RYR2: variants seen among roughly 807,000 people sequenced by gnomAD.
RYR2 encodes the protein cardiac muscle ryanodine receptor-calcium release channel.
Under a neutral mutation model 601.1 loss-of-function variants are expected in RYR2, and 227 were observed. The observed-to-expected ratio is 0.38, with a 90% CI of 0.34 to 0.42. RYR2 has a LOEUF of 0.42. RYR2 is among the 10% of genes least tolerant of loss of function. RYR2 has a pLI of 1.00. For missense variants in RYR2, 4,646 were observed against 6,156.5 expected, an observed-to-expected ratio of 0.75 and a Z score of 8.21; for synonymous variants, 2,223 against 2,175.1, an observed-to-expected ratio of 1.02 and a Z score of -0.61.
chr1:237,571,090 T>A (rs954394039), intron 29 of RYR2, among the ~76,000 whole-genome samples: 1 of 152,132 alleles, frequency 6.6e-6, no homozygotes, highest in African/African-American at 2.4e-5. Flanking sequence ...ATTGTGCCAC[T>A]GTACTCCAGC....
chr1:237,317,172 G>A (rs1695196208), intron 2 of RYR2, among the ~76,000 whole-genome samples: 1 of 152,148 alleles, frequency 6.6e-6, no homozygotes, highest in African/African-American at 2.4e-5. Flanking sequence ...AAGAAACAGT[G>A]TATATATAGG....
chr1:237,677,983 T>G, intron 60 of RYR2, 65 bp from the exon 61 acceptor site: 1 of 974,170 alleles, frequency 1.0e-6, no homozygotes, highest in African/African-American at 1.6e-5. Flanking sequence ...AACCTTTGCA[T>G]TATGGATGAA....
intron 2 of RYR2, among the ~76,000 whole-genome samples, chr1:237,307,024 C>A (rs1693946947): frequency 1.3e-5 from 2 of 152,286 alleles, no homozygotes; most frequent in Admixed American, 6.5e-5. Flanking sequence ...AACTGTAATA[C>A]CTCGATGAGT....
intron 1 of RYR2, among the ~76,000 whole-genome samples, chr1:237,165,054 G>A (rs1304338919): frequency 6.6e-6 from 1 of 151,290 alleles, no homozygotes; most frequent in Non-Finnish European, 1.5e-5. Context: ...ACTCAGGGCA[G>A]CCTTGAACTC....
At chr1:237,349,695 A>G (rs573223134) in intron 3 of RYR2, among the ~76,000 whole-genome samples, 10 of 152,362 alleles carry the variant, frequency 6.6e-5, no homozygotes, top group African/African-American at 2.2e-4. Flanking sequence ...ACTTATAATG[A>G]AAGAGTTAAT....
rs532814379 is a variant in RYR2, at chr1:237,506,914, T to A, written c.2718+100T>A. The A allele has an allele frequency of 3.6e-4, 358 of 983,608 alleles. 4 individuals carry two copies. The highest frequency in any genetic ancestry group is 3.4e-3 in the South Asian group (240 of 71,030). 60.9% of individuals were successfully genotyped at this position (983,608 alleles called of 1,614,324 possible). ...CCGCTATGGGGTGACATCAATCAGT[T>A]AGTTGGATTGATTTTTTTCCCCCTA... On this transcript the variant is annotated intron_variant, in intron 23 of 104. Coordinates refer to ENST00000366574, the MANE Select transcript of RYR2 (RefSeq NM_001035.3).
intron 1 of RYR2, among the ~76,000 whole-genome samples, chr1:237,075,163 G>A (rs193143923): frequency 1.3e-5 from 2 of 152,194 alleles, no homozygotes; most frequent in Admixed American, 1.3e-4. Flanking sequence ...TCATAGTTCT[G>A]CTTATGCAGG....
intron 3 of RYR2, chr1:237,341,643 G>A: frequency 1.9e-6 from 1 of 516,948 alleles, no homozygotes; most frequent in Non-Finnish European, 3.9e-6. Flanking sequence ...TTATGTACTA[G>A]GTAGTAAGGA....
At chr1:237,156,329 C>T (rs1038185197) in intron 1 of RYR2, among the ~76,000 whole-genome samples, 2 of 152,010 alleles carry the variant, frequency 1.3e-5, no homozygotes, top group African/African-American at 2.4e-5. Context: ...TACATTTTAC[C>T]ACAACACAAA....
At position 237,566,710 on chromosome 1, in the gene RYR2, C is replaced by T. The variant is rs1331533259; in HGVS notation, c.3358C>T (p.Pro1120Ser). The change falls in exon 28 of 105, where the codon CCT (proline) becomes TCT (serine). Residue 1120 changes from proline (P) to serine (S), a missense_variant. Transcript: ENST00000366574. ...AGACATGAGGGTTGGTTGGAGTCGT[C>T]CTGGTTGTCAACCGGATCAGGAGCT... ...AGDMRVGWSR[P>S]GCQPDQELGS... 9.3e-6 allele frequency: 15 copies of T among 1,613,922 alleles called. No individual in the cohort carries two copies. In the East Asian group the frequency reaches 3.3e-4, roughly 36 times the overall value.
intron 1 of RYR2, among the ~76,000 whole-genome samples, chr1:237,113,238 G>C (rs183692865): frequency 6.6e-6 from 1 of 151,432 alleles, no homozygotes; most frequent in Non-Finnish European, 1.5e-5. Flanking sequence ...TCACTCTGTC[G>C]CCCAGACTGG....
intron 101 of RYR2, among the ~76,000 whole-genome samples, chr1:237,825,553 A>G (rs532901779): frequency 1.6e-4 from 25 of 152,358 alleles, no homozygotes; most frequent in Non-Finnish European, 2.6e-4. Context: ...ACCTAAAACC[A>G]TGAAAACTCC....
rs1661225059 is a variant in RYR2, at chr1:237,474,844, G to T, written c.1708+5657G>T. 2.0e-5 allele frequency among the ~76,000 whole-genome samples: 3 copies of T among 152,180 alleles called. No homozygotes were observed. In the South Asian group the frequency reaches 6.2e-4, roughly 31 times the overall value. On this transcript the variant is annotated intron_variant, in intron 17 of 104. Transcript: ENST00000366574. The stretch of plus-strand genomic sequence containing the variant: ...GAAAGGAGAAATGGCAGGAGCCTGA[G>T]TGGTCGATGGCATGGAACTCATGTG...
Position 237,733,768 on chromosome 1 carries a change from T to C in RYR2, c.11091+12T>C. 1 of 1,546,652 alleles carries C rather than the reference T, an allele frequency of 6.5e-7. No homozygotes were observed. Among genetic ancestry groups the C allele is most frequent in the South Asian group, 1.1e-5 (1 of 89,214 alleles). On this transcript the variant is annotated intron_variant, in intron 79 of 104. Transcript: ENST00000366574. ...ATATTATGGCAAAGGTAAATAAGTATCCTTCCTGATTTTCATGTTTAATTT... is the reference window on the plus strand; with the variant it reads ...ATATTATGGCAAAGGTAAATAAGTACCCTTCCTGATTTTCATGTTTAATTT...
chr1:237,667,977 G>T lies in RYR2; in HGVS notation c.8590+19G>T, dbSNP rs779738103. 3 of 1,537,884 alleles carry T rather than the reference G, an allele frequency of 2.0e-6. No homozygotes were observed. Among genetic ancestry groups the T allele is most frequent in the Middle Eastern group, 1.7e-4 (1 of 5,880 alleles). On this transcript the variant is annotated intron_variant, in intron 58 of 104. Transcript: ENST00000366574. ...TCCAAAGGTAATATTTTCTAAAAAC[G>T]TTTATTAAAAAATAATCTGAGCTCA...
At chr1:237,452,077 TTGTG>T (rs763042123) in intron 14 of RYR2, among the ~76,000 whole-genome samples, 46 of 74,540 alleles carry the variant, frequency 6.2e-4, no homozygotes, top group South Asian at 1.9e-3. Flanking sequence ...ATATAAAATT[TTGTG>T]TGTGTGTGTG....
intron 29 of RYR2, among the ~76,000 whole-genome samples, chr1:237,579,870 A>T (rs1673696874): frequency 6.6e-6 from 1 of 152,188 alleles, no homozygotes; most frequent in African/African-American, 2.4e-5. Context: ...ACATAATTCA[A>T]ACTTCAGTGT....
intron 1 of RYR2, among the ~76,000 whole-genome samples, chr1:237,242,375 T>C (rs146609705): frequency 1.6e-3 from 240 of 152,138 alleles, no homozygotes; most frequent in Non-Finnish European, 2.9e-3. Flanking sequence ...TAGGGGGATA[T>C]ACCTAAGTTA....
chr1:237,131,335 A>G (rs1672150857), intron 1 of RYR2, among the ~76,000 whole-genome samples: 1 of 152,104 alleles, frequency 6.6e-6, no homozygotes, highest in South Asian at 2.1e-4. Context: ...AAATATTATT[A>G]TCTTTGATTC....
Sources: gnomAD v4.1 joint callset for allele counts (sites outside exome capture counted in the v4.1 genomes callset) on GRCh38, gnomAD v4.1.1 for gene constraint, MANE v1.5 for transcripts, NCBI Gene and HGNC (gene_info 2026-07-23, HGNC 2026-07-21) for gene names.